The following QKI variants were observed in gnomAD, a reference collection of about 807,000 sequenced individuals.
QKI encodes the protein QKI, KH domain containing RNA binding, also known as KH domain-containing RNA-binding protein QKI.
A neutral mutation model predicts 39.0 loss-of-function variants in QKI; 10 were observed. The ratio of observed to expected loss-of-function variants is 0.26; its 90% CI spans 0.16 to 0.43. The LOEUF (loss-of-function observed/expected upper bound fraction) is 0.43, where lower values mean the gene tolerates loss of function less well. Ranked by LOEUF, QKI falls within the 20% of genes least tolerant of loss-of-function variation. The pLI is 1.00. For missense variants in QKI, 218 were observed against 428.0 expected (o/e 0.51, Z 4.33); for synonymous variants, 204 against 155.4 (o/e 1.31, Z -2.33).
Position 163,576,632 on chromosome 6 carries a change from C to G in QKI, c.*5922C>G, listed in dbSNP as rs1276243008. The G allele has an allele frequency of 1.3e-5, 2 of 151,926 alleles. No homozygotes were observed. The highest frequency in any genetic ancestry group is 4.8e-5 in the African/African-American group (2 of 41,290). The allele number at this position is 151,926 out of a possible 1,614,324, so 9.4% of individuals were successfully genotyped here. On this transcript the variant is annotated 3_prime_UTR_variant, in exon 8 of 8. Transcript: ENST00000361752. ...TCACAGGTCACATGTGAACGGAGAA[C>G]TGCATGACCGTACATGAAATGCAAT...
chr6:163,517,058 ACTCTCT>A (rs376115203), intron 3 of QKI, among the ~76,000 whole-genome samples: 6 of 142,188 alleles, frequency 4.2e-5, no homozygotes, highest in African/African-American at 1.3e-4. Context: ...ACACACACTC[ACTCTCT>A]CTCTCTCTCT....
intron 2 of QKI, among the ~76,000 whole-genome samples, chr6:163,462,721 G>C (rs1251495488): frequency 6.6e-6 from 1 of 152,164 alleles, no homozygotes; most frequent in Non-Finnish European, 1.5e-5. Flanking sequence ...TGTGTGGTCT[G>C]TGCTAGGTAA....
chr6:163,531,861 A>G (rs999620822), intron 3 of QKI, among the ~76,000 whole-genome samples: 1 of 152,196 alleles, frequency 6.6e-6, no homozygotes, highest in Admixed American at 6.5e-5. Flanking sequence ...GTGGGAGTGT[A>G]AGTACACCAT....
At chr6:163,548,033 TCA>T (rs1295836531) in intron 4 of QKI, among the ~76,000 whole-genome samples, 3 of 152,218 alleles carry the variant, frequency 2.0e-5, no homozygotes, top group African/African-American at 7.2e-5. Context: ...ATTAAATAAC[TCA>T]CAGTTTTCAG....
At chr6:163,551,281 A>G (rs1010137152) in intron 4 of QKI, among the ~76,000 whole-genome samples, 3 of 152,164 alleles carry the variant, frequency 2.0e-5, no homozygotes, top group African/African-American at 7.2e-5. Context: ...GTGTCCTCCG[A>G]TTTAATCCTG....
chr6:163,464,477 G>GA (rs1048991383), intron 2 of QKI, among the ~76,000 whole-genome samples: 1 of 150,250 alleles, frequency 6.7e-6, no homozygotes, highest in Non-Finnish European at 1.5e-5. Flanking sequence ...CTAACCAAGA[G>GA]AAAAAAAAGT....
At chr6:163,567,684 A>C (rs1278232141) in intron 7 of QKI, 3 of 984,874 alleles carry the variant, frequency 3.0e-6, no homozygotes, top group African/African-American at 3.5e-5. Context: ...ATTGTTTTCT[A>C]AGTTTTTCCA....
chr6:163,564,176 G>A, intron 6 of QKI: 1 of 1,020,032 alleles, frequency 9.8e-7, no homozygotes, highest in Non-Finnish European at 1.2e-6. Flanking sequence ...TATTGTGTGT[G>A]TTTTGTAATA....
chr6:163,564,068 T>TA, intron 6 of QKI: 1 of 1,085,944 alleles, frequency 9.2e-7, no homozygotes, highest in Non-Finnish European at 1.1e-6. Flanking sequence ...TTCTCAAACT[T>TA]TATTTGAGAT....
At chr6:163,524,304 ATATAT>A (rs1562511822) in intron 3 of QKI, among the ~76,000 whole-genome samples, 1 of 151,664 alleles carries the variant, frequency 6.6e-6, no homozygotes, top group Admixed American at 6.6e-5. Flanking sequence ...GTAATGGTTA[ATATAT>A]TTTATTAACT....
intron 3 of QKI, among the ~76,000 whole-genome samples, chr6:163,488,572 A>G (rs1270881412): frequency 6.6e-6 from 1 of 152,204 alleles, no homozygotes; most frequent in Non-Finnish European, 1.5e-5. Context: ...ATTTCAAAAA[A>G]GGAATACAAA....
At chr6:163,517,226 A>G (rs755867607) in intron 3 of QKI, among the ~76,000 whole-genome samples, 2 of 152,154 alleles carry the variant, frequency 1.3e-5, no homozygotes, top group African/African-American at 2.4e-5. Context: ...GCACTGTTGT[A>G]AACCCAGTTG....
chr6:163,492,480 CTTCA>C (rs750702749), intron 3 of QKI, among the ~76,000 whole-genome samples: 40 of 152,114 alleles, frequency 2.6e-4, no homozygotes, highest in Non-Finnish European at 5.4e-4. Context: ...TGAAATTATT[CTTCA>C]TTTTGTGAAT....
At position 163,478,951 on chromosome 6, in the gene QKI, C is replaced by T. The variant is rs1792843481; in HGVS notation, c.402+55C>T. On this transcript the variant is annotated intron_variant, in intron 3 of 7. Coordinates refer to ENST00000361752, the MANE Select transcript of QKI (RefSeq NM_006775.3). ...ATGTGAGTAACTTACTATACTTTTACATCGTAATAATAAAATTTCCAGATT... is the reference window on the plus strand; with the variant it reads ...ATGTGAGTAACTTACTATACTTTTATATCGTAATAATAAAATTTCCAGATT... 17 of 1,352,092 alleles carry T rather than the reference C, an allele frequency of 1.3e-5. No homozygotes were observed. The East Asian group carries it at 3.7e-4, about 30-fold the overall frequency. The allele number at this position is 1,352,092 out of a possible 1,614,324, so 83.8% of individuals were successfully genotyped here.
intron 2 of QKI, among the ~76,000 whole-genome samples, chr6:163,455,911 C>T (rs754621475): frequency 6.6e-6 from 1 of 152,110 alleles, no homozygotes; most frequent in South Asian, 2.1e-4. Context: ...TGTGAATAGC[C>T]TCCTTGTCCT....
At chr6:163,458,186 G>A (rs1791073870) in intron 2 of QKI, among the ~76,000 whole-genome samples, 1 of 152,128 alleles carries the variant, frequency 6.6e-6, no homozygotes, top group African/African-American at 2.4e-5. Context: ...TGTGACTTTG[G>A]TACTACACTT....
chr6:163,553,772 G>A (rs1444471310), intron 4 of QKI, among the ~76,000 whole-genome samples: 1 of 152,136 alleles, frequency 6.6e-6, no homozygotes, highest in Non-Finnish European at 1.5e-5. Context: ...ATACCTTGTT[G>A]AAGAGAGGCA....
chr6:163,569,422 A>G, intron 7 of QKI: 1 of 1,268,900 alleles, frequency 7.9e-7, no homozygotes, highest in South Asian at 1.3e-5. Context: ...TTTCATTCAC[A>G]TCTCCTCTGC....
intron 4 of QKI, among the ~76,000 whole-genome samples, chr6:163,546,878 A>G (rs1460251058): frequency 6.6e-6 from 1 of 152,140 alleles, no homozygotes; most frequent in African/African-American, 2.4e-5. Flanking sequence ...ATATTGCCAA[A>G]TTATATAAAT....
Sources: gnomAD v4.1 joint callset for allele counts (sites outside exome capture counted in the v4.1 genomes callset) on GRCh38, gnomAD v4.1.1 for gene constraint, MANE v1.5 for transcripts, NCBI Gene and HGNC (gene_info 2026-07-23, HGNC 2026-07-21) for gene names.